The following FHOD3 variants were observed in gnomAD, a reference collection of about 807,000 sequenced individuals.
FHOD3 encodes the protein FH1/FH2 domain-containing protein 3.
Under a neutral mutation model 173.0 loss-of-function variants are expected in FHOD3, and 90 were observed. The observed-to-expected ratio is 0.52, with a 90% CI of 0.44 to 0.62. The LOEUF is 0.62. FHOD3 is among the 20% of genes least tolerant of loss of function. The probability of loss-of-function intolerance (pLI) is 0.00; values close to 1 mark genes in which losing one functional copy is unlikely to be tolerated. For missense variants in FHOD3, 1,945 were observed against 2,034.7 expected, an observed-to-expected ratio of 0.96 and a Z score of 0.85; for synonymous variants, 828 against 823.0, an observed-to-expected ratio of 1.01 and a Z score of -0.10.
intron 28 of FHOD3, 199 bp from the exon 29 acceptor site, chr18:36,779,249 G>A (rs2043922546): frequency 3.4e-6 from 2 of 582,032 alleles, no homozygotes; most frequent in African/African-American, 1.9e-5. Flanking sequence ...GCCAGCCTGT[G>A]TAGCCCCAAA....
intron 5 of FHOD3, among the ~76,000 whole-genome samples, chr18:36,560,160 T>G (rs2147616662): frequency 6.6e-6 from 1 of 152,346 alleles, no homozygotes; most frequent in Non-Finnish European, 1.5e-5. Flanking sequence ...ACACCTTGCC[T>G]AAGTTCGTCC....
chr18:36,725,293 G>A (rs1180603934), intron 19 of FHOD3, among the ~76,000 whole-genome samples: 3 of 152,188 alleles, frequency 2.0e-5, no homozygotes, highest in Non-Finnish European at 4.4e-5. Flanking sequence ...ATGGGTGTTG[G>A]GGGCATCCTG....
In FHOD3 at chr18:36,455,388, T is replaced by A. The variant is rs1232315354; in HGVS notation, c.338-46544T>A. Among the ~76,000 whole-genome samples the A allele has an allele frequency of 1.3e-4, 20 of 152,198 alleles. 1 individual carries two copies. The highest frequency in any genetic ancestry group is 2.9e-5 in the Non-Finnish European group (2 of 68,028). The stretch of plus-strand genomic sequence containing the variant: ...GTTAGGGACGAGTTCTGGGATGGGA[T>A]AGGAGCAACAAGAAGTGGGAAACAT... On this transcript the variant is annotated intron_variant, in intron 3 of 28. Coordinates refer to ENST00000590592, the MANE Select transcript of FHOD3 (RefSeq NM_001281740.3).
At chr18:36,662,447 G>A (rs1034745862) in intron 14 of FHOD3, among the ~76,000 whole-genome samples, 2 of 152,220 alleles carry the variant, frequency 1.3e-5, no homozygotes, top group Admixed American at 6.5e-5. Flanking sequence ...AGGATCATAT[G>A]CACTTTAACC....
chr18:36,508,815 A>T (rs2055455788), intron 4 of FHOD3, among the ~76,000 whole-genome samples: 1 of 152,240 alleles, frequency 6.6e-6, no homozygotes, highest in African/African-American at 2.4e-5. Flanking sequence ...CCTAATAAGC[A>T]AGAGGGAGTA....
At chr18:36,757,393 G>A (rs2042676473) in intron 25 of FHOD3, among the ~76,000 whole-genome samples, 1 of 152,146 alleles carries the variant, frequency 6.6e-6, no homozygotes, top group South Asian at 2.1e-4. Context: ...GGCTCATTGT[G>A]CATCCAGCAG....
chr18:36,779,772 C>G lies in FHOD3; in HGVS notation c.*242C>G. The G allele has an allele frequency of 3.7e-6, 2 of 541,300 alleles. No individual in the cohort carries two copies. The highest frequency in any genetic ancestry group is 6.5e-6 in the Non-Finnish European group (2 of 305,652). 33.5% of individuals were successfully genotyped at this position (541,300 alleles called of 1,614,324 possible). On this transcript the variant is annotated 3_prime_UTR_variant, in exon 29 of 29. Coordinates refer to ENST00000590592, the MANE Select transcript of FHOD3 (RefSeq NM_001281740.3). ...TGTGTTTCTCTTGATTCCGTGACAC[C>G]CGGTTTATTAGTTCAAAAGTGTGAC... is the stretch of plus-strand genomic sequence containing the variant.
chr18:36,756,011 A>T (rs1006639436), intron 25 of FHOD3, among the ~76,000 whole-genome samples: 1 of 152,142 alleles, frequency 6.6e-6, no homozygotes, highest in African/African-American at 2.4e-5. Flanking sequence ...CTTGGGGGGC[A>T]GTGGATATTC....
intron 14 of FHOD3, among the ~76,000 whole-genome samples, chr18:36,661,815 C>G (rs889765803): frequency 6.6e-6 from 1 of 152,156 alleles, no homozygotes; most frequent in African/African-American, 2.4e-5. Flanking sequence ...CTCCATATCT[C>G]CTATTATAGC....
At chr18:36,585,417 A>G (rs2058994273) in intron 6 of FHOD3, among the ~76,000 whole-genome samples, 1 of 152,210 alleles carries the variant, frequency 6.6e-6, no homozygotes, top group Non-Finnish European at 1.5e-5. Flanking sequence ...TTGATATGTT[A>G]GAGTCCCCCA....
At position 36,681,558 on chromosome 18, in the gene FHOD3, G is replaced by T. The variant is rs142042172; in HGVS notation, c.1958G>T (p.Arg653Ile). ...TTGCAGAGAATAGAGCGGGAAGAAA[G>T]AAACAAATTCAGGTAAGAAGGATCT... ...ERLQRIEREERNKFSRDYLDK... is the reference protein window; with the variant it reads ...ERLQRIEREEINKFSRDYLDK... Residue 653 changes from arginine (R) to isoleucine (I), a missense_variant, in exon 15 of 29, where the codon AGA becomes ATA. Physicochemically the swap from Arg to Ile is moderately conservative, Grantham distance 97. Coordinates refer to ENST00000590592, the MANE Select transcript of FHOD3 (RefSeq NM_001281740.3). 4.0e-5 allele frequency: 64 copies of T among 1,613,354 alleles called. No individual in the cohort carries two copies. Among genetic ancestry groups the T allele is most frequent in the Non-Finnish European group, 4.9e-5 (58 of 1,179,718 alleles).
chr18:36,631,688 A>G (rs1225152422), intron 10 of FHOD3, among the ~76,000 whole-genome samples: 1 of 152,190 alleles, frequency 6.6e-6, no homozygotes, highest in Non-Finnish European at 1.5e-5. Flanking sequence ...CACCTTGCCC[A>G]AGGTCCCACA....
At chr18:36,683,140 C>T (rs553203629) in intron 15 of FHOD3, among the ~76,000 whole-genome samples, 1 of 152,318 alleles carries the variant, frequency 6.6e-6, no homozygotes, top group East Asian at 1.9e-4. Flanking sequence ...AATGCCAGCT[C>T]TGTATGCACC....
At chr18:36,650,969 T>C (rs2848925) in intron 11 of FHOD3, among the ~76,000 whole-genome samples, 151,592 of 152,366 alleles carry the variant, frequency 0.99, 75,416 homozygotes, top group East Asian at 1. Context: ...TAAACATGTG[T>C]ATGTTAAATA....
intron 5 of FHOD3, among the ~76,000 whole-genome samples, chr18:36,522,980 T>C (rs989118336): frequency 1.4e-4 from 21 of 152,218 alleles, no homozygotes; most frequent in Admixed American, 5.2e-4. Flanking sequence ...CTTCTATCCC[T>C]AGCTGCTTAA....
At chr18:36,633,088 G>A (rs192372027) in intron 10 of FHOD3, among the ~76,000 whole-genome samples, 1 of 152,302 alleles carries the variant, frequency 6.6e-6, no homozygotes, top group Admixed American at 6.5e-5. Context: ...CACTTGGGAG[G>A]GGCTGCGTGT....
chr18:36,580,749 G>A (rs563842423), intron 6 of FHOD3, among the ~76,000 whole-genome samples: 16 of 152,342 alleles, frequency 1.1e-4, no homozygotes, highest in African/African-American at 3.1e-4. Context: ...TTGAGAAGGA[G>A]GCCTCAGTCT....
intron 3 of FHOD3, among the ~76,000 whole-genome samples, chr18:36,419,940 G>A (rs2049901793): frequency 6.6e-6 from 1 of 152,260 alleles, no homozygotes; most frequent in Admixed American, 6.5e-5. Flanking sequence ...ACTGAGAAAA[G>A]CTTTGCCACT....
chr18:36,383,693 C>G lies in FHOD3; in HGVS notation c.337+10949C>G, dbSNP rs573179422. 1.3e-3 allele frequency among the ~76,000 whole-genome samples: 194 copies of G among 152,338 alleles called. 2 individuals are homozygous for G. The highest frequency in any genetic ancestry group is 4.4e-3 in the African/African-American group (182 of 41,574). Reference sequence around the variant, plus strand: ...TTCCTACCAGGCACTGGGCAAAGCACTCGACAAGTGTATCTCCTTTAATCC... The same window carrying G: ...TTCCTACCAGGCACTGGGCAAAGCAGTCGACAAGTGTATCTCCTTTAATCC... On this transcript the variant is annotated intron_variant, in intron 3 of 28. Transcript: ENST00000590592.
Sources: allele counts gnomAD v4.1 joint callset (sites outside exome capture counted in the v4.1 genomes callset), GRCh38; gene constraint gnomAD v4.1.1; transcripts MANE v1.5; gene names NCBI Gene and HGNC (gene_info 2026-07-23, HGNC 2026-07-21).